ADGRL3: variants seen among roughly 807,000 people sequenced by gnomAD.
The protein encoded by ADGRL3 is calcium-independent alpha-latrotoxin receptor 3.
Under a neutral mutation model 153.5 loss-of-function variants are expected in ADGRL3, and 62 were observed. The observed-to-expected ratio is 0.40, with a 90% CI of 0.33 to 0.50. The LOEUF (loss-of-function observed/expected upper bound fraction) is 0.50, where lower values mean the gene tolerates loss of function less well. Ranked by LOEUF, ADGRL3 falls within the 20% of genes least tolerant of loss-of-function variation. The pLI is 0.47. For synonymous variants in ADGRL3, 710 were observed against 672.5 expected (o/e 1.06, Z -0.86); for missense variants, 1,641 against 1,859.4 (o/e 0.88, Z 2.16).
At chr4:61,891,489 GA>G (rs1156512263) in intron 9 of ADGRL3, among the ~76,000 whole-genome samples, 2 of 152,138 alleles carry the variant, frequency 1.3e-5, no homozygotes, top group Non-Finnish European at 2.9e-5. Context: ...TTTCAGTGAT[GA>G]AATATTCAAA....
At position 61,202,814 on chromosome 4, in the gene ADGRL3, T is replaced by C. The variant is rs1435661713; in HGVS notation, c.-240+1049T>C. ...GGGCGACCTCCTCTACCAGCCTTAC[T>C]TGGCGGCGGAGTCAGCGTTTGAGTG... On this transcript the variant is annotated intron_variant, in intron 1 of 26. Transcript: ENST00000683033. This position sits in a 1 kb window ranked among gnomAD's most constrained non-coding sequence, Gnocchi z 5.0. Among the ~76,000 whole-genome samples, 1 of 152,164 alleles carries C rather than the reference T, an allele frequency of 6.6e-6. No homozygotes were observed. Among genetic ancestry groups the C allele is most frequent in the Non-Finnish European group, 1.5e-5 (1 of 68,024 alleles).
At chr4:61,313,977 G>A (rs1014623599) in intron 1 of ADGRL3, among the ~76,000 whole-genome samples, 2 of 152,088 alleles carry the variant, frequency 1.3e-5, no homozygotes, top group Non-Finnish European at 2.9e-5. Context: ...GATGTTGAAG[G>A]AAAGTGGAGT....
chr4:61,720,691 CTTACTAT>C (rs1338102600), intron 6 of ADGRL3, among the ~76,000 whole-genome samples: 1 of 152,128 alleles, frequency 6.6e-6, no homozygotes, highest in Non-Finnish European at 1.5e-5. Context: ...GAATGTGGCA[CTTACTAT>C]TTATTTAACT....
intron 5 of ADGRL3, among the ~76,000 whole-genome samples, chr4:61,623,072 A>G (rs1372926281): frequency 1.3e-5 from 2 of 152,132 alleles, no homozygotes; most frequent in African/African-American, 2.4e-5. Context: ...CTAACTTTAA[A>G]GTGTTTGCCT....
At chr4:61,436,847 G>C (rs1310038631) in intron 2 of ADGRL3, among the ~76,000 whole-genome samples, 1 of 151,220 alleles carries the variant, frequency 6.6e-6, no homozygotes, top group Non-Finnish European at 1.5e-5. Flanking sequence ...TTCATATACA[G>C]AGAGCATTAG....
chr4:61,994,508 T>C (rs956231386), intron 19 of ADGRL3, among the ~76,000 whole-genome samples: 3 of 152,042 alleles, frequency 2.0e-5, no homozygotes, highest in Non-Finnish European at 4.4e-5. Context: ...TCAAGGTTTT[T>C]TTTTTTGCTT....
intron 10 of ADGRL3, among the ~76,000 whole-genome samples, chr4:61,893,324 C>T (rs938024582): frequency 7.2e-5 from 11 of 151,990 alleles, no homozygotes; most frequent in Non-Finnish European, 1.0e-4. Context: ...AGTTTCAGGT[C>T]TCTGGGTCAA....
At chr4:61,342,106 A>G in intron 1 of ADGRL3, among the ~76,000 whole-genome samples, 1 of 152,154 alleles carries the variant, frequency 6.6e-6, no homozygotes, top group Admixed American at 6.6e-5. Context: ...ACTATCTAGA[A>G]GTAAACACTA....
Position 61,474,267 on chromosome 4 carries a change from C to T in ADGRL3, c.-173-22854C>T, listed in dbSNP as rs1245779309. On this transcript the variant is annotated intron_variant, in intron 2 of 26. Transcript: ENST00000683033. ...AAGTGTCCTTTTATGCGAATAACTT[C>T]TAAATAGGGAAAATAACAGAATGTG... Among the ~76,000 whole-genome samples the T allele has an allele frequency of 2.0e-5, 3 of 152,134 alleles. No individual in the cohort carries two copies. In the South Asian group the frequency reaches 6.2e-4, roughly 31 times the overall value.
chr4:61,306,023 C>G (rs2094770317), intron 1 of ADGRL3, among the ~76,000 whole-genome samples: 1 of 152,090 alleles, frequency 6.6e-6, no homozygotes, highest in Admixed American at 6.5e-5. Flanking sequence ...TTCAAGTGAG[C>G]TGCCTTCTTG....
intron 2 of ADGRL3, among the ~76,000 whole-genome samples, chr4:61,466,005 C>T (rs2098261899): frequency 6.6e-6 from 1 of 151,528 alleles, no homozygotes; most frequent in Non-Finnish European, 1.5e-5. Flanking sequence ...ACTTGTAATC[C>T]CAGCTACTCA....
Position 61,798,999 on chromosome 4 carries a change from GTATATATATATATATATATATATATATA to G in ADGRL3, c.1400-14797_1400-14770del, listed in dbSNP as rs34782885. Among the ~76,000 whole-genome samples, 7 of 80,758 alleles carry G rather than the reference GTATATATATATATATATATATATATATA, an allele frequency of 8.7e-5. No individual in the cohort carries two copies. The East Asian group carries it at 1.1e-3, about 13-fold the overall frequency. The allele number at this position is 80,758 out of a possible 152,430, so 53.0% of individuals were successfully genotyped here. A position where few individuals can be genotyped will look rare whatever the true frequency, so the allele number is the denominator to read the frequency against. On this transcript the variant is annotated intron_variant, in intron 8 of 26. Coordinates refer to ENST00000683033, the MANE Select transcript of ADGRL3 (RefSeq NM_001387552.1). ...CATTATTATATATTATATATAAACA[GTATATATATATATATATATATATATATA>G]TATATATATATACCATATATTGTAT...
chr4:61,591,843 G>A (rs1333542339), intron 5 of ADGRL3, among the ~76,000 whole-genome samples: 16 of 151,840 alleles, frequency 1.1e-4, no homozygotes, highest in African/African-American at 3.6e-4. Context: ...TTGGGAGGCC[G>A]AGGCAGGAGT....
At chr4:61,764,668 T>C (rs1302095603) in intron 8 of ADGRL3, among the ~76,000 whole-genome samples, 5 of 152,056 alleles carry the variant, frequency 3.3e-5, no homozygotes, top group East Asian at 3.9e-4. Flanking sequence ...ACAGGGGATG[T>C]GATGGCTTGG....
At chr4:61,912,846 G>C in intron 13 of ADGRL3, 89 bp downstream of exon 13, 1 of 1,216,644 alleles carries the variant, frequency 8.2e-7, no homozygotes. Context: ...AAATGATAAT[G>C]TACCTTACTG....
At chr4:61,400,000 C>T (rs2152103280) in intron 2 of ADGRL3, among the ~76,000 whole-genome samples, 1 of 151,766 alleles carries the variant, frequency 6.6e-6, no homozygotes, top group Admixed American at 6.6e-5. Flanking sequence ...AAGTATACCC[C>T]TGAGACAATA....
intron 2 of ADGRL3, among the ~76,000 whole-genome samples, chr4:61,439,134 T>C (rs779677232): frequency 4.6e-5 from 7 of 152,160 alleles, no homozygotes; most frequent in Non-Finnish European, 7.3e-5. Flanking sequence ...CATCATGTTA[T>C]AGTATTGTGT....
In ADGRL3 at chr4:61,937,254, C is replaced by T. The variant is rs567667504; in HGVS notation, c.2419+1209C>T. ...TGAAATCTCATGACTTAACTAGGCC[C>T]GCCACATGCTACCTGGTCCACTTCC... On this transcript the variant is annotated intron_variant, in intron 15 of 26. Transcript: ENST00000683033. Among the ~76,000 whole-genome samples the T allele has an allele frequency of 4.3e-4, 65 of 152,206 alleles. No individual in the cohort carries two copies. The South Asian group carries it at 0.012, about 28-fold the overall frequency.
intron 8 of ADGRL3, among the ~76,000 whole-genome samples, chr4:61,748,326 A>G (rs2096701195): frequency 6.6e-6 from 1 of 152,160 alleles, no homozygotes; most frequent in Admixed American, 6.5e-5. Context: ...TCAAGCTACC[A>G]ATGACTTTCT....
Sources: allele counts gnomAD v4.1 joint callset (sites outside exome capture counted in the v4.1 genomes callset), GRCh38; gene constraint gnomAD v4.1.1; non-coding constraint Gnocchi (gnomAD v3.1); transcripts MANE v1.5; gene names NCBI Gene and HGNC (gene_info 2026-07-23, HGNC 2026-07-21).